ARHGAP32: variants seen among roughly 807,000 people sequenced by gnomAD.
The protein encoded by ARHGAP32 is Rho GTPase activating protein 32.
Under a neutral mutation model 186.5 loss-of-function variants are expected in ARHGAP32, and 51 were observed. The observed-to-expected ratio is 0.27, with a 90% CI of 0.22 to 0.35. The LOEUF is 0.35. Ranked by LOEUF, ARHGAP32 falls within the 10% of genes least tolerant of loss-of-function variation. The pLI, the probability that ARHGAP32 is intolerant of heterozygous loss-of-function variation, is 1.00. For missense variants in ARHGAP32, 2,186 were observed against 2,623.5 expected, an observed-to-expected ratio of 0.83 and a Z score of 3.64; for synonymous variants, 950 against 964.3, an observed-to-expected ratio of 0.99 and a Z score of 0.27.
At chr11:129,022,733 C>T (rs996925358) in intron 11 of ARHGAP32, among the ~76,000 whole-genome samples, 1 of 152,058 alleles carries the variant, frequency 6.6e-6, no homozygotes, top group African/African-American at 2.4e-5. Flanking sequence ...CAGGGCTAAC[C>T]AGAAAACTGA....
intron 5 of ARHGAP32, among the ~76,000 whole-genome samples, chr11:129,101,920 C>T (rs975458634): frequency 2.6e-5 from 4 of 151,936 alleles, no homozygotes; most frequent in Non-Finnish European, 2.9e-5. Flanking sequence ...TCTCCAAGGT[C>T]GAAATGAAAG....
intron 10 of ARHGAP32, among the ~76,000 whole-genome samples, chr11:129,047,329 A>C (rs966132429): frequency 1.3e-5 from 2 of 152,134 alleles, no homozygotes; most frequent in African/African-American, 4.8e-5. Flanking sequence ...TCATTTTCTG[A>C]CTACAACTTC....
intron 1 of ARHGAP32, among the ~76,000 whole-genome samples, chr11:129,274,796 C>T (rs749479230): frequency 2.6e-5 from 4 of 151,484 alleles, no homozygotes; most frequent in African/African-American, 4.9e-5. Context: ...GAGAAGCATG[C>T]CATAAAGATG....
At chr11:129,070,088 AC>A (rs949058609) in intron 6 of ARHGAP32, among the ~76,000 whole-genome samples, 4 of 152,044 alleles carry the variant, frequency 2.6e-5, no homozygotes, top group African/African-American at 9.7e-5. Context: ...AAGAATGAGA[AC>A]AGCAGCCAGT....
intron 18 of ARHGAP32, among the ~76,000 whole-genome samples, chr11:128,979,326 A>G (rs1169506574): frequency 6.6e-6 from 1 of 152,210 alleles, no homozygotes; most frequent in African/African-American, 2.4e-5. Flanking sequence ...GAATAATAAC[A>G]AACATATACT....
At chr11:128,992,426 TCAC>T (rs111702287) in intron 12 of ARHGAP32, among the ~76,000 whole-genome samples, 18 of 151,514 alleles carry the variant, frequency 1.2e-4, no homozygotes, top group East Asian at 7.8e-4. Context: ...TAACGTCACA[TCAC>T]CACCACCACC....
chr11:128,978,575 TTCTACA>T (rs1433456389), intron 19 of ARHGAP32, among the ~76,000 whole-genome samples, 189 bp downstream of exon 19: 2 of 152,314 alleles, frequency 1.3e-5, no homozygotes, highest in African/African-American at 4.8e-5. Context: ...AATTGCATAC[TTCTACA>T]TATTTATATA....
chr11:129,234,535 G>T (rs946252916), intron 1 of ARHGAP32, among the ~76,000 whole-genome samples: 9 of 152,038 alleles, frequency 5.9e-5, no homozygotes, highest in African/African-American at 1.9e-4. Context: ...TGAAAACACT[G>T]ACAAAGTTAA....
At chr11:129,107,413 AAC>A (rs1942078793) in intron 5 of ARHGAP32, among the ~76,000 whole-genome samples, 1 of 152,236 alleles carries the variant, frequency 6.6e-6, no homozygotes. Flanking sequence ...TACATGGGCA[AAC>A]ACACACCAGT....
chr11:128,986,524 A>G lies in ARHGAP32; in HGVS notation c.1443T>C (p.Ser481=), dbSNP rs773706037. 1 of 1,614,086 alleles carries G rather than the reference A, an allele frequency of 6.2e-7. No homozygotes were observed. The highest frequency in any genetic ancestry group is 1.7e-5 in the Admixed American group (1 of 60,016). The part of the protein sequence containing the change: ...LLTYQLYEKF[S]DAVSAATDEE... ...AGATTCAAAAGTAGCCTGTACTCAC[A>G]GAAAATTTCTCATACAGCTGGTAGG... The change falls in exon 14 of 23, where the codon TCT becomes TCC. Residue 481 remains serine (S), a splice_region_variant and synonymous_variant. Coordinates refer to ENST00000682385, the MANE Select transcript of ARHGAP32 (RefSeq NM_001378024.1).
rs1281954133 is a variant in ARHGAP32, at chr11:129,123,474, T to A, written c.416A>T (p.Tyr139Phe). 1.9e-6 allele frequency: 3 copies of A among 1,612,890 alleles called. No homozygotes were observed. The highest frequency in any genetic ancestry group is 1.7e-6 in the Non-Finnish European group (2 of 1,179,128). The change falls in exon 5 of 23, where the codon TAT becomes TTT. Residue 139 changes from tyrosine to phenylalanine, a missense_variant. By Grantham distance (22) the Tyr-to-Phe change is conservative. Around this residue, in one of 5 missense-constraint regions of ARHGAP32, gnomAD observed 308 missense variants for 596.5 expected, o/e 0.52. Transcript: ENST00000682385. This position sits in a 1 kb window ranked among gnomAD's most constrained non-coding sequence, Gnocchi z 4.6. ...PKMAECAHFH[Y>F]ENVEFGSIQL... ...TATGCTGCCGAACTCAACATTCTCA[T>A]AATGGAAATGCGCACATTCAGCCAT...
intron 11 of ARHGAP32, 84 bp from the exon 12 acceptor site, chr11:128,998,552 G>T: frequency 2.0e-6 from 2 of 1,007,056 alleles, no homozygotes; most frequent in Non-Finnish European, 2.7e-6. Flanking sequence ...ATCTCAAGAG[G>T]CTGACAGCAA....
chr11:129,164,228 T>C (rs1943588288), intron 2 of ARHGAP32, 91 bp downstream of exon 2: 1 of 760,096 alleles, frequency 1.3e-6, no homozygotes, highest in Admixed American at 3.1e-5. Context: ...ACAAAATTTT[T>C]TGTGTAATGT....
rs1942624284 is a variant in ARHGAP32, at chr11:129,124,873, C to G, written c.247G>C (p.Glu83Gln). The change falls in exon 3 of 23, where the codon GAG becomes CAG. Residue 83 changes from glutamate to glutamine, a missense_variant. Around this residue, in one of 5 missense-constraint regions of ARHGAP32, gnomAD observed 108 missense variants for 116.8 expected, o/e 0.92. Transcript: ENST00000682385. ...TTAAGAGTAAGATCTCCAGGAATCT[C>G]TGGAACATCTGCGCCTCTTGCCTTA... ...SAMARGADVP[E>Q]IPGDLTLKTC... 1 of 1,610,804 alleles carries G rather than the reference C, an allele frequency of 6.2e-7. No individual in the cohort carries two copies. Among genetic ancestry groups the G allele is most frequent in the Admixed American group, 1.7e-5 (1 of 59,598 alleles).
intron 1 of ARHGAP32, among the ~76,000 whole-genome samples, chr11:129,245,078 A>G (rs1236189772): frequency 2.0e-5 from 3 of 151,488 alleles, no homozygotes; most frequent in African/African-American, 7.3e-5. Flanking sequence ...ATACCATTTG[A>G]CCCAGCCATC....
intron 11 of ARHGAP32, among the ~76,000 whole-genome samples, chr11:129,039,684 G>A (rs1939506570): frequency 6.6e-6 from 1 of 152,062 alleles, no homozygotes. Flanking sequence ...CAATTTAAAG[G>A]GTAAATTGCA....
At chr11:129,184,846 T>C (rs865922735) in intron 1 of ARHGAP32, among the ~76,000 whole-genome samples, 4 of 152,134 alleles carry the variant, frequency 2.6e-5, no homozygotes, top group Admixed American at 6.6e-5. Flanking sequence ...TTTGAGCTTA[T>C]ACAAGAAATC....
intron 11 of ARHGAP32, among the ~76,000 whole-genome samples, chr11:129,013,028 C>T (rs1200711952): frequency 6.6e-6 from 1 of 152,216 alleles, no homozygotes; most frequent in Non-Finnish European, 1.5e-5. Flanking sequence ...AGGTAACTGA[C>T]TCTGCTTCTT....
intron 1 of ARHGAP32, among the ~76,000 whole-genome samples, chr11:129,197,867 T>C (rs1944412055): frequency 1.3e-5 from 2 of 152,336 alleles, no homozygotes; most frequent in South Asian, 2.1e-4. Context: ...TTCTTTATTA[T>C]GGAACACTGA....
Sources: gnomAD v4.1 joint callset for allele counts (sites outside exome capture counted in the v4.1 genomes callset) on GRCh38, gnomAD v4.1.1 for gene constraint, gnomAD v4.1.1 regional missense constraint, Gnocchi (gnomAD v3.1) non-coding constraint, MANE v1.5 for transcripts, NCBI Gene and HGNC (gene_info 2026-07-23, HGNC 2026-07-21) for gene names.